The following MECOM variants were observed in gnomAD, a reference collection of about 807,000 sequenced individuals.
MECOM encodes the protein MDS1 and EVI1 complex locus, also known as histone-lysine N-methyltransferase MECOM.
In MECOM, 13 loss-of-function variants were observed where a neutral mutation model predicts 116.3. The observed-to-expected ratio is 0.11, with a 90% CI of 0.07 to 0.18. The LOEUF is 0.18. MECOM is among the 10% of genes least tolerant of loss of function. MECOM has a pLI of 1.00. For synonymous variants in MECOM, 528 were observed against 535.2 expected, an observed-to-expected ratio of 0.99 and a Z score of 0.19; for missense variants, 1,299 against 1,509.0, an observed-to-expected ratio of 0.86 and a Z score of 2.31.
At chr3:169,517,198 GCCA>G (rs1212348214) in intron 1 of MECOM, among the ~76,000 whole-genome samples, 2 of 152,128 alleles carry the variant, frequency 1.3e-5, no homozygotes, top group African/African-American at 4.8e-5. Context: ...TGATAAAGGG[GCCA>G]CCACCACCTC....
chr3:169,273,909 CT>C (rs545229387), intron 2 of MECOM, among the ~76,000 whole-genome samples: 633 of 117,086 alleles, frequency 5.4e-3, no homozygotes, highest in African/African-American at 0.014. Flanking sequence ...CTCTCCAAAG[CT>C]TTTTTTTTTT....
At chr3:169,315,843 T>G (rs977464630) in intron 2 of MECOM, among the ~76,000 whole-genome samples, 5 of 152,162 alleles carry the variant, frequency 3.3e-5, no homozygotes, top group African/African-American at 1.2e-4. Context: ...GTCACCAATG[T>G]AATGACATAG....
intron 2 of MECOM, among the ~76,000 whole-genome samples, chr3:169,175,648 A>G (rs1745049383): frequency 6.6e-6 from 1 of 152,210 alleles, no homozygotes; most frequent in African/African-American, 2.4e-5. Flanking sequence ...AGGTCCCAGC[A>G]GCAGAATCTG....
intron 1 of MECOM, among the ~76,000 whole-genome samples, chr3:169,454,311 G>T (rs1246447420): frequency 6.9e-6 from 1 of 144,176 alleles, no homozygotes; most frequent in Non-Finnish European, 1.5e-5. Context: ...TTTTATTAAG[G>T]TTTGGAGGAT....
At chr3:169,435,629 T>C (rs888529435) in intron 1 of MECOM, among the ~76,000 whole-genome samples, 7 of 152,234 alleles carry the variant, frequency 4.6e-5, no homozygotes, top group African/African-American at 1.4e-4. Flanking sequence ...TCTATTTATC[T>C]TCTTGTGAAC....
At chr3:169,258,510 C>T (rs1757147709) in intron 2 of MECOM, among the ~76,000 whole-genome samples, 1 of 152,118 alleles carries the variant, frequency 6.6e-6, no homozygotes, top group African/African-American at 2.4e-5. Flanking sequence ...GAGTCAATTG[C>T]CATGTTAAAC....
At chr3:169,279,766 C>A (rs185221645) in intron 2 of MECOM, among the ~76,000 whole-genome samples, 55 of 152,110 alleles carry the variant, frequency 3.6e-4, no homozygotes, top group African/African-American at 1.3e-3. Context: ...CAATTAGCTT[C>A]TCTGGCAACT....
At chr3:169,630,212 C>G (rs989971224) in intron 1 of MECOM, among the ~76,000 whole-genome samples, 1 of 152,076 alleles carries the variant, frequency 6.6e-6, no homozygotes, top group Non-Finnish European at 1.5e-5. Flanking sequence ...AGCCAAACCC[C>G]GGAACAATAT....
Position 169,083,587 on chromosome 3 carries a change from G to A in MECOM, c.*1322C>T, listed in dbSNP as rs1210420600. 1 of 190,530 alleles carries A rather than the reference G, an allele frequency of 5.2e-6. No homozygotes were observed. The highest frequency in any genetic ancestry group is 2.3e-5 in the African/African-American group (1 of 42,956). 11.8% of individuals were successfully genotyped at this position (190,530 alleles called of 1,614,324 possible). A position where few individuals can be genotyped will look rare whatever the true frequency, so the allele number is the denominator to read the frequency against. ...GGCATAACAGTTTATATTGTACAAA[G>A]CATTTGAAGAAAGTACCTCAACTTG... On this transcript the variant is annotated 3_prime_UTR_variant, in exon 17 of 17. Coordinates refer to ENST00000651503, the MANE Select transcript of MECOM (RefSeq NM_004991.4).
intron 1 of MECOM, among the ~76,000 whole-genome samples, chr3:169,524,830 C>T (rs908448945): frequency 1.4e-4 from 21 of 152,124 alleles, no homozygotes; most frequent in Non-Finnish European, 2.6e-4. Context: ...CTTGTGAATA[C>T]TGTCAGAGAA....
intron 1 of MECOM, among the ~76,000 whole-genome samples, chr3:169,463,115 G>T (rs1007901035): frequency 6.6e-6 from 1 of 152,112 alleles, no homozygotes; most frequent in Non-Finnish European, 1.5e-5. Context: ...ATATGTCTGT[G>T]AGCATACAAA....
chr3:169,482,480 G>A (rs181233371), intron 1 of MECOM, among the ~76,000 whole-genome samples: 114 of 152,008 alleles, frequency 7.5e-4, no homozygotes, highest in African/African-American at 2.6e-3. Flanking sequence ...CTGTACAGGC[G>A]CCCGCCACCA....
At chr3:169,493,171 A>G (rs1414202086) in intron 1 of MECOM, among the ~76,000 whole-genome samples, 1 of 152,174 alleles carries the variant, frequency 6.6e-6, no homozygotes, top group Non-Finnish European at 1.5e-5. Flanking sequence ...TATTCGTTCA[A>G]AAAGATACTT....
chr3:169,444,042 G>T (rs558995470), intron 1 of MECOM, among the ~76,000 whole-genome samples: 1 of 152,084 alleles, frequency 6.6e-6, no homozygotes, highest in Non-Finnish European at 1.5e-5. Flanking sequence ...CTCTTTCTTC[G>T]TACTGATAGC....
intron 2 of MECOM, among the ~76,000 whole-genome samples, chr3:169,360,198 AT>A (rs1481674261): frequency 6.7e-6 from 1 of 149,116 alleles, no homozygotes; most frequent in African/African-American, 2.5e-5. Flanking sequence ...AGTAGCATAT[AT>A]TTTGGAATTT....
intron 2 of MECOM, among the ~76,000 whole-genome samples, chr3:169,341,043 T>C (rs1250465760): frequency 6.6e-6 from 1 of 152,212 alleles, no homozygotes; most frequent in Admixed American, 6.5e-5. Flanking sequence ...AAAATGTTTA[T>C]GAACTAGACC....
rs192836728 is a variant in MECOM, at chr3:169,310,255, C to T, written c.375+70932G>A. Among the ~76,000 whole-genome samples the T allele has an allele frequency of 6.6e-5, 10 of 152,272 alleles. No individual in the cohort carries two copies. The East Asian group carries it at 9.6e-4, about 15-fold the overall frequency. The stretch of plus-strand genomic sequence containing the variant: ...ATTCAACATCCAGTCCATAAACATG[C>T]GCTGAGCACCTATTATATGTGATTC... On this transcript the variant is annotated intron_variant, in intron 2 of 16. Transcript: ENST00000651503.
At chr3:169,218,484 G>C (rs1009082506) in intron 2 of MECOM, among the ~76,000 whole-genome samples, 9 of 152,086 alleles carry the variant, frequency 5.9e-5, no homozygotes, top group African/African-American at 1.9e-4. Context: ...TGATGCCAGG[G>C]ATCACAAAAG....
intron 1 of MECOM, among the ~76,000 whole-genome samples, chr3:169,424,168 C>A (rs553227238): frequency 4.5e-4 from 69 of 152,210 alleles, no homozygotes; most frequent in Non-Finnish European, 7.8e-4. Flanking sequence ...TTCTGGGAGA[C>A]CACCTCCTGT....
Sources: gnomAD v4.1 joint callset for allele counts (sites outside exome capture counted in the v4.1 genomes callset) on GRCh38, gnomAD v4.1.1 for gene constraint, MANE v1.5 for transcripts, NCBI Gene and HGNC (gene_info 2026-07-23, HGNC 2026-07-21) for gene names.